Variants in RTN1 observed in about 807,000 individuals in gnomAD.
The protein encoded by RTN1 is reticulon-1.
Under a neutral mutation model 65.5 loss-of-function variants are expected in RTN1, and 25 were observed. The observed-to-expected ratio is 0.38, with a 90% CI of 0.28 to 0.53. The LOEUF is 0.53. RTN1 is among the 20% of genes least tolerant of loss of function. RTN1 has a pLI of 0.79. For missense variants in RTN1, 983 were observed against 1,025.4 expected (o/e 0.96, Z 0.57); for synonymous variants, 471 against 447.6 (o/e 1.05, Z -0.66).
At chr14:59,750,783 T>G (rs1401813525) in intron 1 of RTN1, among the ~76,000 whole-genome samples, 2 of 131,750 alleles carry the variant, frequency 1.5e-5, no homozygotes, top group South Asian at 4.6e-4. Flanking sequence ...GGCATGATCT[T>G]GGCTCACTGC....
At chr14:59,723,902 C>A (rs754116807) in intron 3 of RTN1, among the ~76,000 whole-genome samples, 14 of 152,122 alleles carry the variant, frequency 9.2e-5, no homozygotes, top group Non-Finnish European at 1.5e-4. Context: ...GAATATGAAC[C>A]CAACGGCACA....
At chr14:59,824,338 CT>C (rs1886993931) in intron 1 of RTN1, among the ~76,000 whole-genome samples, 1 of 152,122 alleles carries the variant, frequency 6.6e-6, no homozygotes, top group African/African-American at 2.4e-5. Context: ...GTATGGATGG[CT>C]TTATAAAATA....
intron 3 of RTN1, among the ~76,000 whole-genome samples, chr14:59,614,114 G>A (rs113322545): frequency 0.017 from 2,514 of 152,240 alleles, 35 homozygotes; most frequent in African/African-American, 0.029. Context: ...GGAGAGATGG[G>A]CTGATTACAA....
At chr14:59,771,663 C>T (rs1366701282) in intron 1 of RTN1, among the ~76,000 whole-genome samples, 2 of 152,170 alleles carry the variant, frequency 1.3e-5, no homozygotes, top group Admixed American at 6.5e-5. Context: ...GATATTCTTT[C>T]ACCGAGGCTG....
At chr14:59,772,493 T>G (rs1376886229) in intron 1 of RTN1, among the ~76,000 whole-genome samples, 1 of 151,970 alleles carries the variant, frequency 6.6e-6, no homozygotes, top group Non-Finnish European at 1.5e-5. Flanking sequence ...CTTTCCGGAT[T>G]AAGTTACGTG....
intron 1 of RTN1, among the ~76,000 whole-genome samples, chr14:59,780,382 T>C (rs1886131703): frequency 6.6e-6 from 1 of 152,218 alleles, no homozygotes; most frequent in African/African-American, 2.4e-5. Flanking sequence ...TGTCAAATAT[T>C]AACAAAACTT....
Position 59,836,428 on chromosome 14 carries a change from A to G in RTN1, c.241+33962T>C, listed in dbSNP as rs1307765060. Reference sequence around the variant, plus strand: ...GCACAGAGAGATTAAGGAACTCCCCACATCACACAACTAATTTTTCCAGTT... The same window carrying G: ...GCACAGAGAGATTAAGGAACTCCCCGCATCACACAACTAATTTTTCCAGTT... On this transcript the variant is annotated intron_variant, in intron 1 of 8. Transcript: ENST00000267484. This position sits in a 1 kb window ranked among gnomAD's most constrained non-coding sequence, Gnocchi z 4.9. Among the ~76,000 whole-genome samples the G allele has an allele frequency of 6.6e-6, 1 of 152,210 alleles. No homozygotes were observed.
At chr14:59,819,037 G>A (rs536707931) in intron 1 of RTN1, among the ~76,000 whole-genome samples, 3 of 151,996 alleles carry the variant, frequency 2.0e-5, no homozygotes, top group East Asian at 1.9e-4. Flanking sequence ...GCACACCTTC[G>A]CAGTGAGTGT....
At position 59,870,594 on chromosome 14, in the gene RTN1, G is replaced by A. The variant is rs371139675; in HGVS notation, c.37C>T (p.Pro13Ser). 1,041 of 1,443,644 alleles carry A rather than the reference G, an allele frequency of 7.2e-4. 8 individuals carry two copies. The African/African-American group carries it at 0.014, about 19-fold the overall frequency. 89.4% of individuals were successfully genotyped at this position (1,443,644 alleles called of 1,614,324 possible). The change falls in exon 1 of 9, where the codon CCG (proline) becomes TCG (serine). Residue 13 changes from proline to serine, a missense_variant. By Grantham distance (74) the Pro-to-Ser change is moderately conservative. Around this residue, in one of 2 missense-constraint regions of RTN1, gnomAD observed 818 missense variants for 801.8 expected, o/e 1.02. Transcript: ENST00000267484. This position sits in a 1 kb window ranked among gnomAD's most constrained non-coding sequence, Gnocchi z 5.1. ...CACTGGGACCCGGGGCCGGCCAGCGGCAGCAGCTCGTCCTGCGGATCCCCC... is the reference window on the plus strand; with the variant it reads ...CACTGGGACCCGGGGCCGGCCAGCGACAGCAGCTCGTCCTGCGGATCCCCC... ...APGDPQDELL[P>S]LAGPGSQWLR...
chr14:59,760,537 T>C (rs1885727452), intron 1 of RTN1, among the ~76,000 whole-genome samples: 1 of 152,200 alleles, frequency 6.6e-6, no homozygotes, highest in African/African-American at 2.4e-5. Context: ...AAGAAAACAA[T>C]TTAGGATGAT....
intron 3 of RTN1, among the ~76,000 whole-genome samples, chr14:59,608,632 G>C (rs554745171): frequency 1.3e-5 from 2 of 152,100 alleles, no homozygotes; most frequent in African/African-American, 4.8e-5. Flanking sequence ...TTCATAACAG[G>C]CTGAGGATAC....
At chr14:59,687,429 C>T (rs980457075) in intron 3 of RTN1, among the ~76,000 whole-genome samples, 10 of 151,728 alleles carry the variant, frequency 6.6e-5, no homozygotes, top group East Asian at 4.1e-4. Flanking sequence ...GTATGAGGGG[C>T]CCTCTCTGCT....
At chr14:59,838,563 G>A (rs1439943027) in intron 1 of RTN1, among the ~76,000 whole-genome samples, 1 of 152,082 alleles carries the variant, frequency 6.6e-6, no homozygotes, top group Non-Finnish European at 1.5e-5. Context: ...AGTTAATGAT[G>A]TCAGAAGATG....
intron 2 of RTN1, among the ~76,000 whole-genome samples, chr14:59,736,849 C>T (rs1022950267): frequency 1.9e-4 from 29 of 149,188 alleles, no homozygotes; most frequent in African/African-American, 6.9e-4. Context: ...AGGTTTACAA[C>T]TTTGGTTCAA....
intron 1 of RTN1, among the ~76,000 whole-genome samples, chr14:59,820,927 T>C (rs1420485012): frequency 6.6e-6 from 1 of 152,232 alleles, no homozygotes; most frequent in Non-Finnish European, 1.5e-5. Flanking sequence ...GTAGTAGAGA[T>C]TGAAGTTGGG....
chr14:59,702,942 ACTC>A (rs1884210946), intron 3 of RTN1, among the ~76,000 whole-genome samples: 1 of 151,780 alleles, frequency 6.6e-6, no homozygotes, highest in African/African-American at 2.4e-5. Context: ...ACATCAGACA[ACTC>A]CTGCTTTAGG....
chr14:59,846,595 G>A lies in RTN1; in HGVS notation c.241+23795C>T, dbSNP rs1887415429. On this transcript the variant is annotated intron_variant, in intron 1 of 8. Transcript: ENST00000267484. This position sits in a 1 kb window ranked among gnomAD's most constrained non-coding sequence, Gnocchi z 4.8. Reference sequence around the variant, plus strand: ...TAAGTGTGTATCCCAAGGGCCTTTGGGTGTAGCCTACACCCATGACACAGG... The same window carrying A: ...TAAGTGTGTATCCCAAGGGCCTTTGAGTGTAGCCTACACCCATGACACAGG... Among the ~76,000 whole-genome samples the A allele has an allele frequency of 6.6e-6, 1 of 151,880 alleles. No homozygotes were observed. The highest frequency in any genetic ancestry group is 2.4e-5 in the African/African-American group (1 of 41,346).
chr14:59,651,777 A>G (rs749603632), intron 3 of RTN1, among the ~76,000 whole-genome samples: 8 of 152,068 alleles, frequency 5.3e-5, no homozygotes, highest in Non-Finnish European at 1.0e-4. Flanking sequence ...AAAACCCAAC[A>G]TAGGTATGGG....
At chr14:59,709,942 G>T (rs1360652581) in intron 3 of RTN1, among the ~76,000 whole-genome samples, 1 of 151,854 alleles carries the variant, frequency 6.6e-6, no homozygotes, top group East Asian at 1.9e-4. Context: ...TAACCATAGG[G>T]CTGAACACCT....
Sources: allele counts gnomAD v4.1 joint callset (sites outside exome capture counted in the v4.1 genomes callset), GRCh38; gene constraint gnomAD v4.1.1; regional missense constraint gnomAD v4.1.1; non-coding constraint Gnocchi (gnomAD v3.1); transcripts MANE v1.5; gene names NCBI Gene and HGNC (gene_info 2026-07-23, HGNC 2026-07-21).